TNXB: variants seen among roughly 807,000 people sequenced by gnomAD.
TNXB encodes tenascin XB.
Under a neutral mutation model 340.5 loss-of-function variants are expected in TNXB, and 183 were observed. The observed-to-expected ratio is 0.54, with a 90% CI of 0.48 to 0.61. The LOEUF (loss-of-function observed/expected upper bound fraction) is 0.61, where lower values mean the gene tolerates loss of function less well. Among genes scored for constraint, TNXB ranks in the 20% least tolerant of loss-of-function variants. The pLI is 0.00. For synonymous variants in TNXB, 2,121 were observed against 2,314.5 expected, an observed-to-expected ratio of 0.92 and a Z score of 2.40; for missense variants, 4,613 against 5,446.4, an observed-to-expected ratio of 0.85 and a Z score of 4.82.
In TNXB at chr6:32,073,603, C is replaced by A; in HGVS notation, c.4681+44G>T. On this transcript the variant is annotated intron_variant, in intron 12 of 43. Coordinates refer to ENST00000644971, the MANE Select transcript of TNXB (RefSeq NM_001365276.2). This position sits in a 1 kb window ranked among gnomAD's most constrained non-coding sequence, Gnocchi z 4.6. ...GAAGAAGGGCCATGGGGTGGGGGAG[C>A]TCTGGGTAACCAGAGATGAGGACTG... 1.3e-6 allele frequency: 2 copies of A among 1,558,616 alleles called. No homozygotes were observed. Among genetic ancestry groups the A allele is most frequent in the Admixed American group, 1.7e-5 (1 of 57,498 alleles).
In TNXB at chr6:32,073,555, G is replaced by T; in HGVS notation, c.4681+92C>A. ...GGGGATCTAGCCCCTCAGTGAGGGT[G>T]CGGTGGTACCAAGGCAGGGCTGGAA... On this transcript the variant is annotated intron_variant, in intron 12 of 43. Transcript: ENST00000644971. This position sits in a 1 kb window ranked among gnomAD's most constrained non-coding sequence, Gnocchi z 4.6. 1 of 1,177,332 alleles carries T rather than the reference G, an allele frequency of 8.5e-7. No homozygotes were observed. The highest frequency in any genetic ancestry group is 1.2e-6 in the Non-Finnish European group (1 of 832,698). The allele number at this position is 1,177,332 out of a possible 1,614,324, so 72.9% of individuals were successfully genotyped here.
In TNXB at chr6:32,084,716, T is replaced by A. The variant is rs1227614795; in HGVS notation, c.3149-7A>T. On this transcript the variant is annotated splice_region_variant and splice_polypyrimidine_tract_variant and intron_variant, in intron 7 of 43. Transcript: ENST00000644971. The surrounding 1 kb of genome is among the most constrained non-coding windows in gnomAD (Gnocchi z 5.5). ...GGCTTCTCCTCATCCTTGTCTGGAG[T>A]TTGAGAGGCAAAAGCAAAGCATAGT... is the stretch of plus-strand genomic sequence containing the variant. The A allele has an allele frequency of 7.1e-6, 11 of 1,551,336 alleles. No homozygotes were observed. The highest frequency in any genetic ancestry group is 9.6e-6 in the Non-Finnish European group (11 of 1,146,186).
chr6:32,069,555 G>C lies in TNXB; in HGVS notation c.5585C>G (p.Thr1862Ser). The C allele has an allele frequency of 6.4e-7, 1 of 1,565,502 alleles. No individual in the cohort carries two copies. Among genetic ancestry groups the C allele is most frequent in the Non-Finnish European group, 8.7e-7 (1 of 1,152,028 alleles). The change falls in exon 15 of 44, where the codon ACT becomes AGT. Residue 1862 changes from threonine (T) to serine (S), a missense_variant and splice_region_variant. Thr to Ser is a moderately conservative substitution (Grantham distance 58). Around this residue, in one of 7 missense-constraint regions of TNXB, gnomAD observed 4,327 missense variants for 4,859.4 expected, o/e 0.89. Transcript: ENST00000644971. The surrounding 1 kb of genome is among the most constrained non-coding windows in gnomAD (Gnocchi z 6.2). ...RVGPISAVAI[T>S]AGREETETET... Reference sequence around the variant, plus strand: ...TGTTCCAGCTGCCGCACACTCACCAGTAATGGCGACGGCCGAGATGGGGCC... The same window carrying C: ...TGTTCCAGCTGCCGCACACTCACCACTAATGGCGACGGCCGAGATGGGGCC...
chr6:32,043,910 C>A lies in TNXB; in HGVS notation c.11387-18G>T. 1 of 1,613,328 alleles carries A rather than the reference C, an allele frequency of 6.2e-7. No homozygotes were observed. The highest frequency in any genetic ancestry group is 8.5e-7 in the Non-Finnish European group (1 of 1,179,948). ...AGGCTCCCCTGAAAACATTGGGGAT[C>A]GAGGGTTACCCAGGGAACCCCAGGG... On this transcript the variant is annotated intron_variant, in intron 34 of 43. Transcript: ENST00000644971.
In TNXB at chr6:32,053,671, G is replaced by A; in HGVS notation, c.8508C>T (p.Thr2836=). The A allele has an allele frequency of 6.2e-7, 1 of 1,613,192 alleles. No individual in the cohort carries two copies. The highest frequency in any genetic ancestry group is 8.5e-7 in the Non-Finnish European group (1 of 1,179,770). Residue 2836 remains threonine, a synonymous_variant, in exon 25 of 44, where the codon ACC becomes ACT. Transcript: ENST00000644971. ...DEAETTQAVP[T]TTPEPPNKPR... is the part of the protein sequence containing the mutation. ...GCTTGTTGGGGGGCTCAGGGGTTGTGGTGGGCACTGCTTGGGTGGTCTCTG... is the reference window on the plus strand; with the variant it reads ...GCTTGTTGGGGGGCTCAGGGGTTGTAGTGGGCACTGCTTGGGTGGTCTCTG...
rs771952252 is a variant in TNXB, at chr6:32,047,004, C to T, written c.10325-548G>A. Among the ~76,000 whole-genome samples the T allele has an allele frequency of 6.6e-6, 1 of 152,212 alleles. No homozygotes were observed. Among genetic ancestry groups the T allele is most frequent in the Non-Finnish European group, 1.5e-5 (1 of 68,036 alleles). On this transcript the variant is annotated intron_variant, in intron 30 of 43. Transcript: ENST00000644971. The surrounding 1 kb of genome is among the most constrained non-coding windows in gnomAD (Gnocchi z 6.2). ...CAGCCCCACACTGACCCCACTGGGC[C>T]GGGGCAGCCAGGGTGGGGCAGGGAG...
rs775795859 is a variant in TNXB, at chr6:32,050,009, A to G, written c.9428T>C (p.Ile3143Thr). Residue 3143 changes from isoleucine (I) to threonine (T), a missense_variant, in exon 27 of 44, where the codon ATT becomes ACT. Ile to Thr is a moderately conservative substitution (Grantham distance 89). Around this residue, in one of 7 missense-constraint regions of TNXB, gnomAD observed 4,327 missense variants for 4,859.4 expected, o/e 0.89. Transcript: ENST00000644971. Reference sequence around the variant, plus strand: ...CATCATTCACTCACCCGTCACCCCAATGGCAGACACAGGGCCTACGCGCTG... The same window carrying G: ...CATCATTCACTCACCCGTCACCCCAGTGGCAGACACAGGGCCTACGCGCTG... ...GGQRVGPVSA[I>T]GVTEEETPSP... The G allele has an allele frequency of 5.1e-5, 82 of 1,613,680 alleles. No individual in the cohort carries two copies. Among genetic ancestry groups the G allele is most frequent in the Middle Eastern group, 1.6e-4 (1 of 6,084 alleles).
At chr6:32,105,070 T>G (rs531489980) in intron 1 of TNXB, among the ~76,000 whole-genome samples, 1 of 152,254 alleles carries the variant, frequency 6.6e-6, no homozygotes, top group East Asian at 1.9e-4. Context: ...CCTACCATCA[T>G]GTATCCCCTG....
chr6:32,094,194 A>G (rs898930444), intron 4 of TNXB, among the ~76,000 whole-genome samples: 2 of 151,288 alleles, frequency 1.3e-5, no homozygotes, highest in African/African-American at 4.9e-5. Flanking sequence ...TGGGAGATGA[A>G]GTTCACAGAC....
In TNXB at chr6:32,062,309, T is replaced by C; in HGVS notation, c.7016A>G (p.Asn2339Ser). ...TGTTGCCTTGGGCTGCCCATCCCCATTCTTGTACTGGACCAGGAAGTGGTC... is the reference window on the plus strand; with the variant it reads ...TGTTGCCTTGGGCTGCCCATCCCCACTCTTGTACTGGACCAGGAAGTGGTC... ...QFDHFLVQYK[N>S]GDGQPKATRV... Residue 2339 changes from asparagine (N) to serine (S), a missense_variant, in exon 20 of 44, where the codon AAT becomes AGT. Physicochemically the swap from Asn to Ser is conservative, Grantham distance 46 (BLOSUM62 1). This residue lies in a region of TNXB where 4,327 missense variants were observed against 4,859.4 expected (regional missense o/e 0.89). Transcript: ENST00000644971. This position sits in a 1 kb window ranked among gnomAD's most constrained non-coding sequence, Gnocchi z 4.3. The C allele has an allele frequency of 6.2e-7, 1 of 1,613,488 alleles. No homozygotes were observed. Among genetic ancestry groups the C allele is most frequent in the Non-Finnish European group, 8.5e-7 (1 of 1,179,846 alleles).
rs931591741 is a variant in TNXB at position 32,108,656 on chromosome 6, G to C, written c.-9+525C>G. On this transcript the variant is annotated intron_variant, in intron 1 of 43. Coordinates refer to ENST00000644971, the MANE Select transcript of TNXB (RefSeq NM_001365276.2). This position sits in a 1 kb window ranked among gnomAD's most constrained non-coding sequence, Gnocchi z 4.8. ...CAACTCTCACGCTGCCACCTAGGGAGTCCCCATTTGGATGCCCAAAGAAGC... is the reference window on the plus strand; with the variant it reads ...CAACTCTCACGCTGCCACCTAGGGACTCCCCATTTGGATGCCCAAAGAAGC... Among the ~76,000 whole-genome samples, 1 of 152,110 alleles carries C rather than the reference G, an allele frequency of 6.6e-6. No individual in the cohort carries two copies. The highest frequency in any genetic ancestry group is 1.5e-5 in the Non-Finnish European group (1 of 68,024).
In TNXB at chr6:32,089,312, CCT is replaced by C; in HGVS notation, c.2424_2425del (p.Gly809ThrfsTer57). ...CTGGTACTCCTGTCCAGGGGCCAGT[CCT>C]CTCTGGTCATAGGCTGAGGCAGAGC... On this transcript the variant is annotated frameshift_variant, in exon 5 of 44. Coordinates refer to ENST00000644971, the MANE Select transcript of TNXB (RefSeq NM_001365276.2). LOFTEE classifies it high-confidence loss of function. This position sits in a 1 kb window ranked among gnomAD's most constrained non-coding sequence, Gnocchi z 6.2. The C allele has an allele frequency of 6.2e-7, 1 of 1,608,290 alleles. No homozygotes were observed. Among genetic ancestry groups the C allele is most frequent in the Non-Finnish European group, 8.5e-7 (1 of 1,178,290 alleles).
At position 32,081,758 on chromosome 6, in the gene TNXB, G is replaced by T; in HGVS notation, c.3737-85C>A. On this transcript the variant is annotated intron_variant, in intron 9 of 43. Transcript: ENST00000644971. The surrounding 1 kb of genome is among the most constrained non-coding windows in gnomAD (Gnocchi z 5.1). ...TTTCGACGGGATGTCACACCTATGG[G>T]GGGTGGGGGGTCACTAGTCCATTAA... 1 of 834,922 alleles carries T rather than the reference G, an allele frequency of 1.2e-6. No homozygotes were observed. The highest frequency in any genetic ancestry group is 1.9e-6 in the Non-Finnish European group (1 of 534,568). The allele number at this position is 834,922 out of a possible 1,614,324, so 51.7% of individuals were successfully genotyped here. A position where few individuals can be genotyped will look rare whatever the true frequency, so the allele number is the denominator to read the frequency against.
chr6:32,070,062 CA>C lies in TNXB; in HGVS notation c.5278+64del, dbSNP rs1219106531. On this transcript the variant is annotated intron_variant, in intron 14 of 43. Transcript: ENST00000644971. The surrounding 1 kb of genome is among the most constrained non-coding windows in gnomAD (Gnocchi z 6.0). ...CAAATAATGGTAATGGCAGCCACCACAAGTGACCGTCTGCTGCTTGGCCTGA... is the reference window on the plus strand; with the variant it reads ...CAAATAATGGTAATGGCAGCCACCACAGTGACCGTCTGCTGCTTGGCCTGA... 6.8e-7 allele frequency: 1 copy of C among 1,470,952 alleles called. No individual in the cohort carries two copies. The highest frequency in any genetic ancestry group is 1.4e-5 in the African/African-American group (1 of 71,170). 91.1% of individuals were successfully genotyped at this position (1,470,952 alleles called of 1,614,324 possible). A position where few individuals can be genotyped will look rare whatever the true frequency, so the allele number is the denominator to read the frequency against.
chr6:32,075,810 C>T lies in TNXB; in HGVS notation c.4376-1858G>A, dbSNP rs1779051183. Among the ~76,000 whole-genome samples the T allele has an allele frequency of 6.6e-6, 1 of 152,200 alleles. No homozygotes were observed. Among genetic ancestry groups the T allele is most frequent in the Admixed American group, 6.5e-5 (1 of 15,280 alleles). On this transcript the variant is annotated intron_variant, in intron 11 of 43. Coordinates refer to ENST00000644971, the MANE Select transcript of TNXB (RefSeq NM_001365276.2). The surrounding 1 kb of genome is among the most constrained non-coding windows in gnomAD (Gnocchi z 4.6). ...GCATGAGGAAGCACTCATTAGTGAG[C>T]AAACTAGAAGGTGGTCCCAAGAGGC...
rs1388285476 is a variant in TNXB, at chr6:32,067,814, C to G, written c.6391G>C (p.Asp2131His). ...RFDSFTVQYK[D>H]RDGRPQVVRV... ...ACCACCTGGGGCCGCCCGTCCCTGT[C>G]CTTGTACTGCACGGTGAAGGAGTCG... The change falls in exon 18 of 44, where the codon GAC (aspartate) becomes CAC (histidine). Residue 2131 changes from aspartate to histidine, a missense_variant. Physicochemically the swap from Asp to His is moderately conservative, Grantham distance 81. Around this residue, in one of 7 missense-constraint regions of TNXB, gnomAD observed 4,327 missense variants for 4,859.4 expected, o/e 0.89. Coordinates refer to ENST00000644971, the MANE Select transcript of TNXB (RefSeq NM_001365276.2). The surrounding 1 kb of genome is among the most constrained non-coding windows in gnomAD (Gnocchi z 4.2). The G allele has an allele frequency of 6.2e-7, 1 of 1,613,336 alleles. No homozygotes were observed. Among genetic ancestry groups the G allele is most frequent in the Non-Finnish European group, 8.5e-7 (1 of 1,179,898 alleles).
At chr6:32,104,122 G>A (rs902660056) in intron 1 of TNXB, among the ~76,000 whole-genome samples, 1 of 152,154 alleles carries the variant, frequency 6.6e-6, no homozygotes, top group African/African-American at 2.4e-5. Flanking sequence ...TGACCAGAAC[G>A]ACCAAGTAAG....
intron 11 of TNXB, among the ~76,000 whole-genome samples, chr6:32,078,008 C>G (rs1779176813): frequency 7.1e-6 from 1 of 141,258 alleles, no homozygotes; most frequent in Non-Finnish European, 1.5e-5. Context: ...GCCTGGGCAA[C>G]AGAGCTCAAA....
At chr6:32,095,381 A>G (rs1179451672) in intron 3 of TNXB, among the ~76,000 whole-genome samples, 190 bp from the exon 4 acceptor site, 1 of 152,092 alleles carries the variant, frequency 6.6e-6, no homozygotes, top group Non-Finnish European at 1.5e-5. Context: ...TCAGGAGCAC[A>G]GAATCTCCCT....
Sources: allele counts gnomAD v4.1 joint callset (sites outside exome capture counted in the v4.1 genomes callset), GRCh38; gene constraint gnomAD v4.1.1; regional missense constraint gnomAD v4.1.1; non-coding constraint Gnocchi (gnomAD v3.1); transcripts MANE v1.5; gene names NCBI Gene and HGNC (gene_info 2026-07-23, HGNC 2026-07-21).